The following PLCG2 variants were observed in gnomAD, a reference collection of about 807,000 sequenced individuals.
The protein encoded by PLCG2 is 1-phosphatidylinositol 4,5-bisphosphate phosphodiesterase gamma-2.
Under a neutral mutation model 175.6 loss-of-function variants are expected in PLCG2, and 69 were observed. That is an observed-to-expected ratio of 0.39 (90% CI 0.32 to 0.48). The LOEUF (loss-of-function observed/expected upper bound fraction) is 0.48, where lower values mean the gene tolerates loss of function less well. PLCG2 is among the 20% of genes least tolerant of loss of function. The pLI is 0.91. For synonymous variants in PLCG2, 827 were observed against 624.0 expected, an observed-to-expected ratio of 1.33 and a Z score of -4.85; for missense variants, 1,798 against 1,650.9, an observed-to-expected ratio of 1.09 and a Z score of -1.54.
chr16:81,938,770 G>C (rs748407908), intron 28 of PLCG2, 31 bp from the exon 29 acceptor site: 2 of 1,388,752 alleles, frequency 1.4e-6, no homozygotes, highest in Admixed American at 1.7e-5. Context: ...GGACCCCAGG[G>C]GGGTTCCAAT....
At chr16:81,876,016 CTTTTTT>C (rs547152035) in intron 7 of PLCG2, among the ~76,000 whole-genome samples, 3,182 of 115,022 alleles carry the variant, frequency 0.028, 81 homozygotes, top group Middle Eastern at 0.059. Flanking sequence ...CTTTTTCTTT[CTTTTTT>C]TTTTTTTTTT....
At chr16:81,769,075 T>C (rs1910215829) in intron 2 of PLCG2, among the ~76,000 whole-genome samples, 1 of 152,156 alleles carries the variant, frequency 6.6e-6, no homozygotes, top group Admixed American at 6.5e-5. Context: ...AATGAATGAA[T>C]TTCTTGACTG....
chr16:81,841,649 T>G (rs1905838282), intron 2 of PLCG2, among the ~76,000 whole-genome samples: 1 of 152,210 alleles, frequency 6.6e-6, no homozygotes, highest in Non-Finnish European at 1.5e-5. Context: ...AATAGAGGCT[T>G]CTTCATACAG....
intron 4 of PLCG2, among the ~76,000 whole-genome samples, chr16:81,858,868 A>T (rs113924235): frequency 0.042 from 1 of 24 alleles, no homozygotes; most frequent in African/African-American, 0.12. Context: ...TTTGGGGATT[A>T]AATGACTATC....
intron 31 of PLCG2, among the ~76,000 whole-genome samples, chr16:81,953,402 A>G (rs1250323832): frequency 2.0e-5 from 3 of 152,206 alleles, no homozygotes; most frequent in African/African-American, 7.2e-5. Flanking sequence ...ACATTGTACT[A>G]TTACTGTACC....
At chr16:81,916,107 T>C (rs1909828022) in intron 19 of PLCG2, among the ~76,000 whole-genome samples, 2 of 152,188 alleles carry the variant, frequency 1.3e-5, no homozygotes, top group Admixed American at 1.3e-4. Context: ...CTGCAGCTTT[T>C]CTACTCAGCA....
chr16:81,765,028 C>T (rs1333341293), intron 2 of PLCG2, among the ~76,000 whole-genome samples: 2 of 144,228 alleles, frequency 1.4e-5, no homozygotes, highest in Non-Finnish European at 3.1e-5. Flanking sequence ...GTGAAGGCCG[C>T]AGTGAACCGT....
Position 81,761,200 on chromosome 16 carries a change from A to G in PLCG2, c.-48+5234A>G, listed in dbSNP as rs142650711. ...GTATGAGCCACTTGCGCCCAGCTACAAAAATGTTTTTAAAGTTAGCTGGGT... is the reference window on the plus strand; with the variant it reads ...GTATGAGCCACTTGCGCCCAGCTACGAAAATGTTTTTAAAGTTAGCTGGGT... On this transcript the variant is annotated intron_variant, in intron 2 of 5. Transcript: ENST00000565054. 6.2e-3 allele frequency among the ~76,000 whole-genome samples: 948 copies of G among 152,218 alleles called. 6 individuals are homozygous for G. The highest frequency in any genetic ancestry group is 0.014 in the Middle Eastern group (4 of 294).
chr16:81,880,776 T>C, intron 7 of PLCG2, 134 bp from the exon 8 acceptor site: 1 of 761,306 alleles, frequency 1.3e-6, no homozygotes, highest in Non-Finnish European at 2.2e-6. Flanking sequence ...ACAACTAACA[T>C]CAACTAAAAT....
At chr16:81,776,595 C>T (rs4260051), upstream of PLCG2, among the ~76,000 whole-genome samples, 76,349 of 152,016 alleles carry the variant, frequency 0.5, 19,485 homozygotes, top group Non-Finnish European at 0.53. Flanking sequence ...TGATCTATCA[C>T]CTATGCTGGA....
intron 5 of PLCG2, among the ~76,000 whole-genome samples, chr16:81,859,997 G>GTC (rs923494695): frequency 1.3e-5 from 2 of 151,872 alleles, no homozygotes; most frequent in African/African-American, 4.8e-5. Context: ...TAGAGGCAGG[G>GTC]TCTCTGTCTG....
Position 81,958,142 on chromosome 16 carries a change from C to A in PLCG2, c.*144C>A. The A allele has an allele frequency of 1.5e-6, 1 of 654,986 alleles. No homozygotes were observed. Among genetic ancestry groups the A allele is most frequent in the South Asian group, 1.8e-5 (1 of 54,920 alleles). 40.6% of individuals were successfully genotyped at this position (654,986 alleles called of 1,614,324 possible). A position where few individuals can be genotyped will look rare whatever the true frequency, so the allele number is the denominator to read the frequency against. ...TGCCATCAAGGACATTTCTTAAGAC[C>A]CAACTGGCATGAGTTGGGGTAATTT... On this transcript the variant is annotated 3_prime_UTR_variant, in exon 33 of 33. Coordinates refer to ENST00000564138, the MANE Select transcript of PLCG2 (RefSeq NM_002661.5).
At chr16:81,919,819 G>A (rs933189628) in intron 20 of PLCG2, among the ~76,000 whole-genome samples, 155 bp downstream of exon 20, 4 of 152,198 alleles carry the variant, frequency 2.6e-5, no homozygotes, top group Admixed American at 6.5e-5. Flanking sequence ...AGACCCTGCC[G>A]TTGTGCTGCT....
At chr16:81,929,405 T>C (rs1174189063) in intron 24 of PLCG2, among the ~76,000 whole-genome samples, 1 of 152,200 alleles carries the variant, frequency 6.6e-6, no homozygotes, top group East Asian at 1.9e-4. Context: ...TTTATTATTA[T>C]TTCTTTTCGC....
chr16:81,832,389 C>T (rs1303259049), intron 2 of PLCG2, among the ~76,000 whole-genome samples: 1 of 152,132 alleles, frequency 6.6e-6, no homozygotes, highest in Non-Finnish European at 1.5e-5. Context: ...TAGAATCTGT[C>T]CCCACCCTGC....
chr16:81,858,388 T>C lies in PLCG2; in HGVS notation c.431+32T>C, dbSNP rs567847746. The C allele has an allele frequency of 6.9e-6, 10 of 1,457,990 alleles. No homozygotes were observed. The East Asian group carries it at 1.8e-4, about 26-fold the overall frequency. 90.3% of individuals were successfully genotyped at this position (1,457,990 alleles called of 1,614,324 possible). On this transcript the variant is annotated intron_variant, in intron 4 of 32. Transcript: ENST00000564138. ...GGCTTTTGCCTGTTGATTTGCGTAG[T>C]TGCTGATTCCTTTATTCTGCTGCCT...
intron 9 of PLCG2, among the ~76,000 whole-genome samples, chr16:81,885,226 G>A (rs558512746): frequency 6.6e-6 from 1 of 152,274 alleles, no homozygotes; most frequent in Admixed American, 6.5e-5. Flanking sequence ...GTTTCACAAT[G>A]TTGGTCAGCC....
chr16:81,883,071 G>C (rs946034168), intron 8 of PLCG2, among the ~76,000 whole-genome samples, 198 bp from the exon 9 acceptor site: 3 of 152,148 alleles, frequency 2.0e-5, no homozygotes, highest in Admixed American at 1.3e-4. Flanking sequence ...TCCGATGTCA[G>C]GGTCCCTCTG....
intron 2 of PLCG2, among the ~76,000 whole-genome samples, chr16:81,796,778 G>T (rs1328725133): frequency 1.3e-5 from 2 of 152,188 alleles, no homozygotes; most frequent in African/African-American, 4.8e-5. Context: ...AACACCAGGG[G>T]TGCTCCCTCA....
Sources: allele counts gnomAD v4.1 joint callset (sites outside exome capture counted in the v4.1 genomes callset), GRCh38; gene constraint gnomAD v4.1.1; transcripts MANE v1.5; gene names NCBI Gene and HGNC (gene_info 2026-07-23, HGNC 2026-07-21).